Variants in SNX29 observed in about 807,000 individuals in gnomAD.
The protein encoded by SNX29 is sorting nexin 29, also known as sorting nexin-29.
Under a neutral mutation model 102.1 loss-of-function variants are expected in SNX29, and 78 were observed. The ratio of observed to expected loss-of-function variants is 0.76; its 90% CI spans 0.64 to 0.92. The LOEUF (loss-of-function observed/expected upper bound fraction) is 0.92. Among genes scored for constraint, SNX29 ranks in the 40% least tolerant of loss-of-function variants. SNX29 has a pLI of 0.00. For missense variants in SNX29, 1,280 were observed against 1,061.7 expected (o/e 1.21, Z -2.86); for synonymous variants, 580 against 414.5 (o/e 1.40, Z -4.85).
At chr16:12,551,488 C>T (rs554969854) in intron 20 of SNX29, among the ~76,000 whole-genome samples, 1 of 152,324 alleles carries the variant, frequency 6.6e-6, no homozygotes, top group East Asian at 1.9e-4. Flanking sequence ...GTTAATGCAA[C>T]ATTAATCTTT....
At position 12,339,370 on chromosome 16, in the gene SNX29, C is replaced by CAAAAAAA. The variant is rs58148692; in HGVS notation, c.1783-16775_1783-16769dup. Among the ~76,000 whole-genome samples, 11 of 56,280 alleles carry CAAAAAAA rather than the reference C, an allele frequency of 2.0e-4. 1 individual carries two copies. The highest frequency in any genetic ancestry group is 8.1e-4 in the East Asian group (1 of 1,236). 36.9% of individuals were successfully genotyped at this position (56,280 alleles called of 152,430 possible). ...TGGGCGACAGAGTGAGATTCTGTCTCAAAAAAAAAAAAAAAAAAAAAAAAG... is the reference window on the plus strand; with the variant it reads ...TGGGCGACAGAGTGAGATTCTGTCTCAAAAAAAAAAAAAAAAAAAAAAAAAAAAAAAG... On this transcript the variant is annotated intron_variant, in intron 15 of 20. Transcript: ENST00000566228.
rs768348542 is a variant in SNX29 at position 12,069,125 on chromosome 16, C to T, written c.1312C>T (p.Arg438Trp). Residue 438 changes from arginine (R) to tryptophan (W), a missense_variant, in exon 10 of 21, where the codon CGG becomes TGG. Transcript: ENST00000566228. ...CCACGTTCTCCCAGATCCTGGACTT[C>T]GGTACAGGTTAATATTGAGAAACCC... ...EDHVLPDPGL[R>W]YSVEASSPGH... The T allele has an allele frequency of 1.3e-5, 21 of 1,612,986 alleles. No homozygotes were observed. In the Admixed American group the frequency reaches 1.8e-4, roughly 14 times the overall value.
intron 13 of SNX29, among the ~76,000 whole-genome samples, chr16:12,151,294 C>A (rs1217743013): frequency 6.9e-6 from 1 of 144,038 alleles, no homozygotes; most frequent in Non-Finnish European, 1.6e-5. Flanking sequence ...AAAAAATTAT[C>A]ACCACACACA....
At chr16:12,070,982 T>C (rs1273865012) in intron 10 of SNX29, among the ~76,000 whole-genome samples, 11 of 152,142 alleles carry the variant, frequency 7.2e-5, no homozygotes, top group Admixed American at 5.2e-4. Flanking sequence ...TTTTGAGAAG[T>C]GTCTGTTCAT....
At chr16:12,468,084 G>T (rs567954710) in intron 18 of SNX29, among the ~76,000 whole-genome samples, 4 of 148,936 alleles carry the variant, frequency 2.7e-5, no homozygotes, top group African/African-American at 9.9e-5. Context: ...CTTGTCCCCT[G>T]TTACACGAGC....
At chr16:12,279,541 C>A (rs553183122) in intron 15 of SNX29, among the ~76,000 whole-genome samples, 2 of 152,188 alleles carry the variant, frequency 1.3e-5, no homozygotes, top group Non-Finnish European at 2.9e-5. Flanking sequence ...CTCAGTGGGG[C>A]TGTGAGACTC....
At chr16:12,489,082 G>A (rs191772496) in intron 19 of SNX29, among the ~76,000 whole-genome samples, 71 of 152,238 alleles carry the variant, frequency 4.7e-4, no homozygotes, top group African/African-American at 1.6e-3. Flanking sequence ...ATCTGCTTTT[G>A]TTCCTCACAT....
chr16:12,524,665 A>C, intron 19 of SNX29, 37 bp from the exon 20 acceptor site: 1 of 1,605,572 alleles, frequency 6.2e-7, no homozygotes, highest in Non-Finnish European at 8.5e-7. Flanking sequence ...CAGGTGAGGA[A>C]GACGTACCAA....
intron 1 of SNX29, among the ~76,000 whole-genome samples, chr16:11,992,690 C>G (rs1249088181): frequency 6.6e-6 from 1 of 152,158 alleles, no homozygotes; most frequent in Non-Finnish European, 1.5e-5. Flanking sequence ...GCAGCACCTG[C>G]TTGACTGTGT....
intron 14 of SNX29, among the ~76,000 whole-genome samples, chr16:12,275,537 C>T (rs1252349265): frequency 6.6e-6 from 1 of 152,138 alleles, no homozygotes; most frequent in African/African-American, 2.4e-5. Flanking sequence ...AGTTCATTAG[C>T]GTTTTATGAA....
In SNX29 at chr16:12,130,780, A is replaced by G. The variant is rs548862808; in HGVS notation, c.1595+1022A>G. On this transcript the variant is annotated intron_variant, in intron 13 of 20. Coordinates refer to ENST00000566228, the MANE Select transcript of SNX29 (RefSeq NM_032167.5). ...TGTGAAGTGGTAGCCTGTCCTATGC[A>G]GCATTCACTTGACATCTCAGAGATT... is the stretch of plus-strand genomic sequence containing the variant. 1.1e-4 allele frequency among the ~76,000 whole-genome samples: 16 copies of G among 150,520 alleles called. No individual in the cohort carries two copies. The South Asian group carries it at 3.2e-3, about 30-fold the overall frequency.
intron 14 of SNX29, among the ~76,000 whole-genome samples, chr16:12,267,704 C>G (rs770238653): frequency 5.3e-5 from 8 of 152,214 alleles, no homozygotes; most frequent in Non-Finnish European, 1.2e-4. Context: ...TAACCGCATT[C>G]CTCGCAATGG....
At chr16:12,016,594 CTT>C (rs1195352586) in intron 3 of SNX29, among the ~76,000 whole-genome samples, 1 of 152,060 alleles carries the variant, frequency 6.6e-6, no homozygotes, top group Admixed American at 6.6e-5. Context: ...TTTGTCATGA[CTT>C]TGTATTTTAG....
intron 4 of SNX29, among the ~76,000 whole-genome samples, chr16:12,030,958 C>G (rs926006993): frequency 6.6e-6 from 1 of 152,186 alleles, no homozygotes; most frequent in African/African-American, 2.4e-5. Context: ...CTCTTGAGAC[C>G]TCTCCATAAT....
chr16:11,999,218 A>T lies in SNX29; in HGVS notation c.8-79A>T. On this transcript the variant is annotated intron_variant, in intron 1 of 20. Transcript: ENST00000566228. ...TGTGCTACTGATTTTGTTAAAGATC[A>T]GTAGGAAAGGACTGATCTAGTTGGG... 4 of 1,301,076 alleles carry T rather than the reference A, an allele frequency of 3.1e-6. No homozygotes were observed. In the Admixed American group the frequency reaches 7.5e-5, roughly 24 times the overall value. 80.6% of individuals were successfully genotyped at this position (1,301,076 alleles called of 1,614,324 possible). A position where few individuals can be genotyped will look rare whatever the true frequency, so the allele number is the denominator to read the frequency against.
chr16:12,382,303 G>T (rs577311326), intron 16 of SNX29, among the ~76,000 whole-genome samples: 3 of 152,332 alleles, frequency 2.0e-5, no homozygotes, highest in African/African-American at 4.8e-5. Flanking sequence ...AGATAGCAGA[G>T]TCATGGTGTG....
At chr16:12,368,930 T>C (rs9926796) in intron 16 of SNX29, among the ~76,000 whole-genome samples, 6,782 of 152,234 alleles carry the variant, frequency 0.045, 295 homozygotes, top group African/African-American at 0.11. Flanking sequence ...TGCACAGATA[T>C]GGATTCATCA....
intron 20 of SNX29, chr16:12,561,034 C>G (rs2042915): frequency 0.55 from 120,558 of 220,642 alleles, 39,973 homozygotes; most frequent in Non-Finnish European, 0.73. Context: ...TCTTGGAGAC[C>G]CATTTCAAAC....
At chr16:12,219,878 C>T (rs760461074) in intron 14 of SNX29, among the ~76,000 whole-genome samples, 4 of 152,202 alleles carry the variant, frequency 2.6e-5, no homozygotes, top group Non-Finnish European at 1.5e-5. Context: ...CTCAATCACT[C>T]GTACATTGAT....
Sources: gnomAD v4.1 joint callset for allele counts (sites outside exome capture counted in the v4.1 genomes callset) on GRCh38, gnomAD v4.1.1 for gene constraint, MANE v1.5 for transcripts, NCBI Gene and HGNC (gene_info 2026-07-23, HGNC 2026-07-21) for gene names.